PROX2: variants seen among roughly 807,000 people sequenced by gnomAD.
PROX2 encodes the protein prospero homeobox protein 2.
In PROX2, 46 loss-of-function variants were observed where a neutral mutation model predicts 48.9. The observed-to-expected ratio is 0.94, with a 90% CI of 0.74 to 1.20. The LOEUF (loss-of-function observed/expected upper bound fraction) is 1.20, where lower values mean the gene tolerates loss of function less well. PROX2 is among the 50% of genes most tolerant of loss of function. PROX2 has a pLI of 0.00. For synonymous variants in PROX2, 260 were observed against 276.6 expected (o/e 0.94, Z 0.60); for missense variants, 663 against 719.4 (o/e 0.92, Z 0.90).
intron 2 of PROX2, among the ~76,000 whole-genome samples, chr14:74,867,834 GTT>G (rs1200646752): frequency 6.6e-6 from 1 of 152,182 alleles, no homozygotes; most frequent in African/African-American, 2.4e-5. Flanking sequence ...GGACCAGTGT[GTT>G]TAATGAAGCA....
At chr14:74,861,282 C>T (rs546455728) in intron 3 of PROX2, 16 of 1,257,870 alleles carry the variant, frequency 1.3e-5, no homozygotes, top group African/African-American at 1.5e-5. Context: ...GAAGCAGCAG[C>T]GTGAGCACAG....
At chr14:74,869,373 C>T (rs1317014894) in intron 2 of PROX2, among the ~76,000 whole-genome samples, 3 of 151,792 alleles carry the variant, frequency 2.0e-5, no homozygotes, top group East Asian at 3.9e-4. Flanking sequence ...CTGCCTCCCA[C>T]GTTCAAGCGA....
At chr14:74,855,972 A>G (rs1056032542) in intron 5 of PROX2, 1 of 152,312 alleles carries the variant, frequency 6.6e-6, no homozygotes, top group African/African-American at 2.4e-5. Context: ...TTTTCCCCAC[A>G]GGTAGTCTTA....
At chr14:74,861,760 C>A (rs142457967) in intron 3 of PROX2, among the ~76,000 whole-genome samples, 201 of 152,284 alleles carry the variant, frequency 1.3e-3, no homozygotes, top group Middle Eastern at 3.4e-3. Context: ...AGGAAAACTC[C>A]TTTTCCATTT....
Position 74,863,900 on chromosome 14 carries a change from G to C in PROX2, c.-66C>G. On this transcript the variant is annotated 5_prime_UTR_variant, in exon 3 of 6. Transcript: ENST00000556489. ...ATTTCCTCAGCTGGAAGTGCACCCA[G>C]AATGCGCTGGGCTTCCTCCTCTGCA... The C allele has an allele frequency of 7.0e-7, 1 of 1,426,482 alleles. No homozygotes were observed. Among genetic ancestry groups the C allele is most frequent in the Non-Finnish European group, 9.1e-7 (1 of 1,098,270 alleles). The allele number at this position is 1,426,482 out of a possible 1,614,324, so 88.4% of individuals were successfully genotyped here.
At chr14:74,856,683 C>G in intron 5 of PROX2, 118 bp downstream of exon 5, 1 of 828,198 alleles carries the variant, frequency 1.2e-6, no homozygotes, top group Non-Finnish European at 1.9e-6. Context: ...GAGATTGGCC[C>G]AGGCTGCCCT....
intron 2 of PROX2, among the ~76,000 whole-genome samples, chr14:74,867,106 A>G (rs1455283724): frequency 6.6e-6 from 1 of 152,228 alleles, no homozygotes; most frequent in East Asian, 1.9e-4. Flanking sequence ...CATTTTCCCC[A>G]TGACATTGCC....
At chr14:74,874,251 GT>G (rs35863744) in intron 1 of PROX2, 34,657 of 278,208 alleles carry the variant, frequency 0.12, 511 homozygotes, top group African/African-American at 0.18. Flanking sequence ...CATCATACAA[GT>G]TTTTTTTTTT....
chr14:74,874,251 GTTTTTTT>G (rs35863744), intron 1 of PROX2: 4 of 279,624 alleles, frequency 1.4e-5, no homozygotes, highest in East Asian at 9.6e-5. Flanking sequence ...CATCATACAA[GTTTTTTT>G]TTTTTTTTTT....
At chr14:74,861,129 T>G (rs1449551537) in intron 3 of PROX2, 2 of 1,032,922 alleles carry the variant, frequency 1.9e-6, no homozygotes, top group Admixed American at 2.0e-5. Context: ...CAAAGGCAGG[T>G]TCTGGCATGG....
At chr14:74,867,653 G>T (rs376445897) in intron 2 of PROX2, among the ~76,000 whole-genome samples, 1 of 152,144 alleles carries the variant, frequency 6.6e-6, no homozygotes, top group East Asian at 1.9e-4. Context: ...CTTGTGCATG[G>T]AACAAAATCA....
Position 74,854,535 on chromosome 14 carries a change from C to T in PROX2, c.*597G>A, listed in dbSNP as rs1205469477. The T allele has an allele frequency of 6.1e-6, 1 of 162,818 alleles. No homozygotes were observed. The highest frequency in any genetic ancestry group is 1.4e-5 in the Non-Finnish European group (1 of 74,038). 10.1% of individuals were successfully genotyped at this position (162,818 alleles called of 1,614,324 possible). A position where few individuals can be genotyped will look rare whatever the true frequency, so the allele number is the denominator to read the frequency against. ...CCTATCAACCCAGATGTCCTAGCCT[C>T]ATAGGCTTTGGCGAGTTACCTTGCA... On this transcript the variant is annotated 3_prime_UTR_variant, in exon 6 of 6. Transcript: ENST00000556489.
At chr14:74,859,155 C>T (rs1425585532) in intron 3 of PROX2, 1 of 152,274 alleles carries the variant, frequency 6.6e-6, no homozygotes. Context: ...TACCCACTCT[C>T]CATTTGCCTG....
intron 3 of PROX2, chr14:74,861,161 TC>T: frequency 7.6e-7 from 1 of 1,323,232 alleles, no homozygotes; most frequent in Non-Finnish European, 1.0e-6. Context: ...TCCCACCCCA[TC>T]CTGCTGCCCT....
chr14:74,873,926 C>A, intron 1 of PROX2: 2 of 470,924 alleles, frequency 4.2e-6, no homozygotes, highest in Non-Finnish European at 8.6e-6. Flanking sequence ...TTGGATTTGA[C>A]AGAGATGAAG....
intron 2 of PROX2, among the ~76,000 whole-genome samples, chr14:74,868,097 A>G (rs1490991129): frequency 6.6e-6 from 1 of 152,088 alleles, no homozygotes; most frequent in Non-Finnish European, 1.5e-5. Flanking sequence ...TGATGGAGGT[A>G]GCAATTGTCA....
At chr14:74,870,677 G>A (rs1388275074) in intron 2 of PROX2, among the ~76,000 whole-genome samples, 1 of 152,108 alleles carries the variant, frequency 6.6e-6, no homozygotes, top group Non-Finnish European at 1.5e-5. Context: ...GCATGTTGAA[G>A]GCAGGGGATA....
intron 4 of PROX2, 81 bp downstream of exon 4, chr14:74,858,326 C>T: frequency 1.2e-6 from 1 of 801,170 alleles, no homozygotes; most frequent in Non-Finnish European, 2.1e-6. Context: ...ATATGATGAC[C>T]TAGGACTTGC....
intron 3 of PROX2, among the ~76,000 whole-genome samples, chr14:74,860,185 G>A (rs1594859404): frequency 6.6e-6 from 1 of 152,240 alleles, no homozygotes; most frequent in Non-Finnish European, 1.5e-5. Context: ...GCCAAATGGA[G>A]TTTGGATTTC....
Sources: allele counts gnomAD v4.1 joint callset (sites outside exome capture counted in the v4.1 genomes callset), GRCh38; gene constraint gnomAD v4.1.1; transcripts MANE v1.5; gene names NCBI Gene and HGNC (gene_info 2026-07-23, HGNC 2026-07-21).